SKAP2: variants seen among roughly 807,000 people sequenced by gnomAD.
SKAP2 encodes the protein src kinase associated phosphoprotein 2, also known as src kinase-associated phosphoprotein 2.
A neutral mutation model predicts 54.9 loss-of-function variants in SKAP2; 28 were observed. That is an observed-to-expected ratio of 0.51 (90% CI 0.38 to 0.70). The LOEUF (loss-of-function observed/expected upper bound fraction) is 0.70. Ranked by LOEUF, SKAP2 falls within the 30% of genes least tolerant of loss-of-function variation. The pLI is 0.00. For missense variants in SKAP2, 356 were observed against 424.1 expected (o/e 0.84, Z 1.41); for synonymous variants, 137 against 134.3 (o/e 1.02, Z -0.14).
intron 4 of SKAP2, among the ~76,000 whole-genome samples, chr7:26,800,111 G>A (rs977699152): frequency 2.6e-5 from 4 of 151,974 alleles, no homozygotes; most frequent in East Asian, 1.9e-4. Flanking sequence ...GCGACAGAGC[G>A]AAACTCTGTC....
intron 3 of SKAP2, among the ~76,000 whole-genome samples, chr7:26,853,613 A>G (rs924445910): frequency 2.0e-5 from 3 of 152,176 alleles, no homozygotes; most frequent in Admixed American, 2.0e-4. Context: ...ATTCATATCA[A>G]AATAACCACA....
At chr7:26,674,196 C>G (rs1385055230) in intron 11 of SKAP2, among the ~76,000 whole-genome samples, 1 of 152,114 alleles carries the variant, frequency 6.6e-6, no homozygotes, top group Non-Finnish European at 1.5e-5. Context: ...TATATCTGTG[C>G]TTCAAAACAC....
chr7:26,723,051 T>C lies in SKAP2; in HGVS notation c.796+2377A>G, dbSNP rs563694389. On this transcript the variant is annotated intron_variant, in intron 9 of 12. Coordinates refer to ENST00000345317, the MANE Select transcript of SKAP2 (RefSeq NM_003930.5). ...TGGAAAAATATCAACAGTATGTAAA[T>C]GTGCTTACTGCTCTTCCATTGTTCT... is the stretch of plus-strand genomic sequence containing the variant. Among the ~76,000 whole-genome samples the C allele has an allele frequency of 1.6e-4, 24 of 152,348 alleles. No homozygotes were observed. The South Asian group carries it at 3.7e-3, about 24-fold the overall frequency.
chr7:26,726,012 G>A (rs372760106), intron 7 of SKAP2, 26 bp from the exon 8 acceptor site: 354 of 1,459,834 alleles, frequency 2.4e-4, no homozygotes, highest in South Asian at 2.7e-4. Context: ...CAGTAAGAAC[G>A]AAAATCACCA....
chr7:26,768,526 T>C (rs1260230479), intron 4 of SKAP2, among the ~76,000 whole-genome samples: 2 of 152,242 alleles, frequency 1.3e-5, no homozygotes, highest in African/African-American at 2.4e-5. Context: ...TTTTGCCCAT[T>C]AGTTGATGCA....
intron 4 of SKAP2, among the ~76,000 whole-genome samples, chr7:26,822,813 G>A (rs1784408797): frequency 6.6e-6 from 1 of 151,622 alleles, no homozygotes; most frequent in Non-Finnish European, 1.5e-5. Context: ...AACCCAGGAG[G>A]CGGGGCTTGC....
chr7:26,808,639 A>G (rs1784076529), intron 4 of SKAP2, among the ~76,000 whole-genome samples: 1 of 123,134 alleles, frequency 8.1e-6, no homozygotes, highest in Non-Finnish European at 1.8e-5. Context: ...TGTGTCTTTT[A>G]CCATAATAAA....
chr7:26,767,961 T>C (rs1057133467), intron 4 of SKAP2, among the ~76,000 whole-genome samples: 1 of 152,222 alleles, frequency 6.6e-6, no homozygotes, highest in Non-Finnish European at 1.5e-5. Context: ...GAGAGTTCTA[T>C]AGATGTCTTA....
intron 9 of SKAP2, among the ~76,000 whole-genome samples, chr7:26,718,460 G>A (rs1787508642): frequency 6.6e-6 from 1 of 151,914 alleles, no homozygotes; most frequent in Non-Finnish European, 1.5e-5. Context: ...CAAAGTTTAC[G>A]TAGGGTAGGG....
chr7:26,716,150 AG>A (rs1787431788), intron 9 of SKAP2, among the ~76,000 whole-genome samples: 2 of 152,202 alleles, frequency 1.3e-5, no homozygotes, highest in Non-Finnish European at 2.9e-5. Context: ...TCTTTTTGAT[AG>A]ATTATTAATT....
chr7:26,836,785 C>T (rs898237668), intron 4 of SKAP2, among the ~76,000 whole-genome samples: 1 of 152,140 alleles, frequency 6.6e-6, no homozygotes, highest in Non-Finnish European at 1.5e-5. Context: ...GTGACGATTC[C>T]TCAAGGATCT....
intron 4 of SKAP2, among the ~76,000 whole-genome samples, chr7:26,818,812 T>C (rs561886695): frequency 6.6e-6 from 1 of 152,062 alleles, no homozygotes; most frequent in African/African-American, 2.4e-5. Flanking sequence ...CCAACAAACA[T>C]ATGAAGGAAA....
intron 4 of SKAP2, among the ~76,000 whole-genome samples, chr7:26,777,912 C>T: frequency 6.6e-6 from 1 of 151,652 alleles, no homozygotes; most frequent in Non-Finnish European, 1.5e-5. Flanking sequence ...TTTTTAACAA[C>T]TCAACACCTA....
chr7:26,821,054 A>G (rs568874752), intron 4 of SKAP2, among the ~76,000 whole-genome samples: 16 of 152,310 alleles, frequency 1.1e-4, no homozygotes, highest in African/African-American at 3.4e-4. Flanking sequence ...ATAGGATACA[A>G]TAATCTGTGC....
chr7:26,823,981 T>C (rs918307369), intron 4 of SKAP2, among the ~76,000 whole-genome samples: 2 of 152,218 alleles, frequency 1.3e-5, no homozygotes, highest in Non-Finnish European at 2.9e-5. Context: ...TAATCGTAGT[T>C]GATAAAGCAG....
chr7:26,739,862 T>G, intron 5 of SKAP2, 25 bp downstream of exon 5: 1 of 1,528,348 alleles, frequency 6.5e-7, no homozygotes, highest in Non-Finnish European at 9.0e-7. Flanking sequence ...TATTTTTACA[T>G]TTTTCATTAG....
At chr7:26,748,575 A>G (rs1782609410) in intron 4 of SKAP2, among the ~76,000 whole-genome samples, 1 of 152,090 alleles carries the variant, frequency 6.6e-6, no homozygotes, top group African/African-American at 2.4e-5. Context: ...ATCTGCCTAT[A>G]TCTTAGTCAT....
At chr7:26,827,287 C>T (rs778859245) in intron 4 of SKAP2, among the ~76,000 whole-genome samples, 2 of 152,050 alleles carry the variant, frequency 1.3e-5, no homozygotes, top group Non-Finnish European at 2.9e-5. Context: ...TATATGTTTC[C>T]GCTTTTTAGG....
At chr7:26,715,884 A>C (rs1461464709) in intron 9 of SKAP2, among the ~76,000 whole-genome samples, 1 of 152,196 alleles carries the variant, frequency 6.6e-6, no homozygotes, top group African/African-American at 2.4e-5. Context: ...TGTCATTTCC[A>C]TTGTAATTTC....
Sources: gnomAD v4.1 joint callset for allele counts (sites outside exome capture counted in the v4.1 genomes callset) on GRCh38, gnomAD v4.1.1 for gene constraint, MANE v1.5 for transcripts, NCBI Gene and HGNC (gene_info 2026-07-23, HGNC 2026-07-21) for gene names.